Variants in LDLRAD4 observed in about 807,000 individuals in gnomAD.
LDLRAD4 encodes the protein low-density lipoprotein receptor class A domain-containing protein 4.
A neutral mutation model predicts 17.0 loss-of-function variants in LDLRAD4; 5 were observed. The ratio of observed to expected loss-of-function variants is 0.29; its 90% CI spans 0.15 to 0.62. The LOEUF is 0.62. Among genes scored for constraint, LDLRAD4 ranks in the 20% least tolerant of loss-of-function variants. LDLRAD4 has a pLI of 0.84. For synonymous variants in LDLRAD4, 168 were observed against 171.8 expected (o/e 0.98, Z 0.17); for missense variants, 340 against 424.7 (o/e 0.80, Z 1.75).
At chr18:13,570,238 A>G (rs997470679) in intron 3 of LDLRAD4, among the ~76,000 whole-genome samples, 2 of 152,234 alleles carry the variant, frequency 1.3e-5, no homozygotes, top group Non-Finnish European at 2.9e-5. Context: ...TCTGCACCGG[A>G]GCATGTGGGG....
At chr18:13,347,690 C>G (rs952445441) in intron 1 of LDLRAD4, among the ~76,000 whole-genome samples, 2 of 152,318 alleles carry the variant, frequency 1.3e-5, no homozygotes, top group African/African-American at 4.8e-5. Flanking sequence ...TCCATTCTCC[C>G]CGTCACTTTC....
At chr18:13,258,623 GTCCT>G (rs1350774446) in intron 1 of LDLRAD4, among the ~76,000 whole-genome samples, 3 of 152,258 alleles carry the variant, frequency 2.0e-5, no homozygotes, top group African/African-American at 7.2e-5. Flanking sequence ...TTTCAGAATT[GTCCT>G]TCCTTCCTTT....
At chr18:13,602,350 G>A (rs1283332469) in intron 3 of LDLRAD4, among the ~76,000 whole-genome samples, 2 of 152,132 alleles carry the variant, frequency 1.3e-5, no homozygotes, top group East Asian at 3.9e-4. Flanking sequence ...AGACAGTTTA[G>A]TAGGGGTTAG....
chr18:13,621,245 C>G lies in LDLRAD4; in HGVS notation c.310C>G (p.Arg104Gly). 6.2e-7 allele frequency: 1 copy of G among 1,613,386 alleles called. No homozygotes were observed. The highest frequency in any genetic ancestry group is 8.5e-7 in the Non-Finnish European group (1 of 1,179,932). The change falls in exon 4 of 6, where the codon CGG (arginine) becomes GGG (glycine). Residue 104 changes from arginine (R) to glycine (G), a missense_variant. Physicochemically the swap from Arg to Gly is moderately radical, Grantham distance 125. Transcript: ENST00000359446. This position sits in a 1 kb window ranked among gnomAD's most constrained non-coding sequence, Gnocchi z 5.5. ...CTTCATCAACCGCCCGAACCAGAGC[C>G]GGAGGCGGGAGGACGGGCTGCCGCA...
intron 2 of LDLRAD4, among the ~76,000 whole-genome samples, chr18:13,437,956 AAGAG>A (rs1339346103): frequency 6.6e-6 from 1 of 152,230 alleles, no homozygotes; most frequent in South Asian, 2.1e-4. Flanking sequence ...TGTGGAAAGA[AAGAG>A]AGCACCTGTG....
At chr18:13,402,726 T>C (rs552540751) in intron 2 of LDLRAD4, among the ~76,000 whole-genome samples, 3 of 152,252 alleles carry the variant, frequency 2.0e-5, no homozygotes, top group African/African-American at 4.8e-5. Context: ...ATTTGGGGAC[T>C]CTTCCATCAT....
chr18:13,621,201 AC>A lies in LDLRAD4; in HGVS notation c.267del (p.Tyr89Ter). The A allele has an allele frequency of 6.2e-7, 1 of 1,614,102 alleles. No individual in the cohort carries two copies. Among genetic ancestry groups the A allele is most frequent in the Non-Finnish European group, 8.5e-7 (1 of 1,180,038 alleles). ...GTCATCGTCTGCCTGCTGAACCACT[AC>A]AAAGTCTCCACGCGGTCCTTCATCA... On this transcript the variant is annotated frameshift_variant, in exon 4 of 6. Transcript: ENST00000359446. LOFTEE classifies it high-confidence loss of function. This position sits in a 1 kb window ranked among gnomAD's most constrained non-coding sequence, Gnocchi z 5.5.
intron 1 of LDLRAD4, among the ~76,000 whole-genome samples, chr18:13,318,839 TC>T (rs1184988760): frequency 6.6e-6 from 1 of 152,174 alleles, no homozygotes; most frequent in Non-Finnish European, 1.5e-5. Flanking sequence ...GCAGTGCTGT[TC>T]CTGTCCACGT....
chr18:13,298,584 A>G (rs984768178), intron 1 of LDLRAD4, among the ~76,000 whole-genome samples: 3 of 148,818 alleles, frequency 2.0e-5, no homozygotes, highest in Admixed American at 6.7e-5. Flanking sequence ...TGCTCTGGGC[A>G]TGGTGATGTT....
chr18:13,471,426 T>G (rs1430908241), intron 3 of LDLRAD4: 2 of 152,266 alleles, frequency 1.3e-5, no homozygotes, highest in African/African-American at 4.8e-5. Flanking sequence ...TGTAGCATTG[T>G]TTTTCTTTCG....
chr18:13,625,828 C>G (rs371715515), intron 4 of LDLRAD4, among the ~76,000 whole-genome samples: 2 of 121,652 alleles, frequency 1.6e-5, no homozygotes, highest in East Asian at 2.4e-4. Context: ...CCCGCCAGAG[C>G]CCTCCTCCCC....
chr18:13,450,335 C>CCG (rs1555691845), intron 3 of LDLRAD4, among the ~76,000 whole-genome samples: 2 of 125,756 alleles, frequency 1.6e-5, no homozygotes, highest in Admixed American at 1.5e-4. Context: ...CACCCCCCCC[C>CCG]CCAAAAAAAC....
chr18:13,629,569 T>C lies in LDLRAD4; in HGVS notation c.336+8298T>C, dbSNP rs147671957. ...ACTGATGCTAAAGGCAGTAATGTTC[T>C]GGGCATCTATAGACTCCCAGAGTAA... On this transcript the variant is annotated intron_variant, in intron 4 of 5. Coordinates refer to ENST00000359446, the Ensembl canonical transcript of LDLRAD4. 7.2e-3 allele frequency among the ~76,000 whole-genome samples: 1,095 copies of C among 152,350 alleles called. 37 individuals carry two copies. Among genetic ancestry groups the C allele is most frequent in the Admixed American group, 0.055 (839 of 15,292 alleles).
At chr18:13,373,030 A>G (rs1298971474) in intron 1 of LDLRAD4, among the ~76,000 whole-genome samples, 2 of 152,216 alleles carry the variant, frequency 1.3e-5, no homozygotes, top group Non-Finnish European at 2.9e-5. Context: ...GGTCTCGCAG[A>G]CTAACAGATT....
chr18:13,389,216 C>T (rs893593076), intron 2 of LDLRAD4, among the ~76,000 whole-genome samples: 12 of 152,158 alleles, frequency 7.9e-5, no homozygotes, highest in East Asian at 1.9e-4. Flanking sequence ...CAGCTGTTTC[C>T]GTCTCAGGAG....
rs150271979 is a variant in LDLRAD4 at position 13,482,261 on chromosome 18, C to A, written c.181+43877C>A. On this transcript the variant is annotated intron_variant, in intron 3 of 5. Coordinates refer to ENST00000359446, the Ensembl canonical transcript of LDLRAD4. The stretch of plus-strand genomic sequence containing the variant: ...GGTTGCCTCTGAACCCGCTGCCCAC[C>A]TCACCCCCGACTTTCAGATCCTTCT... Among the ~76,000 whole-genome samples, 1,226 of 152,246 alleles carry A rather than the reference C, an allele frequency of 8.1e-3. 23 individuals are homozygous for A. The highest frequency in any genetic ancestry group is 0.028 in the African/African-American group (1,150 of 41,526).
intron 1 of LDLRAD4, among the ~76,000 whole-genome samples, chr18:13,283,229 G>A (rs2045392756): frequency 6.6e-6 from 1 of 152,198 alleles, no homozygotes; most frequent in Non-Finnish European, 1.5e-5. Flanking sequence ...TAGGCTTCTT[G>A]CTATTTATGC....
intron 1 of LDLRAD4, among the ~76,000 whole-genome samples, chr18:13,385,766 A>G (rs748050078): frequency 1.3e-5 from 2 of 152,206 alleles, no homozygotes; most frequent in Non-Finnish European, 2.9e-5. Flanking sequence ...TAGGACCTGC[A>G]TGTTGGCCAT....
At chr18:13,479,258 A>C (rs1250673300) in intron 3 of LDLRAD4, among the ~76,000 whole-genome samples, 4 of 152,244 alleles carry the variant, frequency 2.6e-5, no homozygotes, top group Non-Finnish European at 5.9e-5. Flanking sequence ...TGGGGCATGA[A>C]AAAAATAATT....
Sources: gnomAD v4.1 joint callset for allele counts (sites outside exome capture counted in the v4.1 genomes callset) on GRCh38, gnomAD v4.1.1 for gene constraint, Gnocchi (gnomAD v3.1) non-coding constraint, MANE v1.5 for transcripts, NCBI Gene and HGNC (gene_info 2026-07-23, HGNC 2026-07-21) for gene names.